ABCC4: variants seen among roughly 807,000 people sequenced by gnomAD.
ABCC4 encodes the protein ATP binding cassette subfamily C member 4 (PEL blood group).
A neutral mutation model predicts 168.5 loss-of-function variants in ABCC4; 102 were observed. The observed-to-expected ratio is 0.61, with a 90% CI of 0.52 to 0.71. The LOEUF (loss-of-function observed/expected upper bound fraction) is 0.71. Ranked by LOEUF, ABCC4 falls within the 30% of genes least tolerant of loss-of-function variation. The pLI is 0.00. For missense variants in ABCC4, 1,402 were observed against 1,605.8 expected (o/e 0.87, Z 2.17); for synonymous variants, 617 against 590.7 (o/e 1.04, Z -0.65).
chr13:95,144,448 C>G (rs61965886), intron 19 of ABCC4, among the ~76,000 whole-genome samples: 52,431 of 151,866 alleles, frequency 0.35, 9,810 homozygotes, highest in African/African-American at 0.5. Context: ...TAGGAAAAAG[C>G]AAGTCAAACT....
At chr13:95,223,418 A>ACT (rs5805911) in intron 4 of ABCC4, among the ~76,000 whole-genome samples, 116,204 of 151,958 alleles carry the variant, frequency 0.76, 44,907 homozygotes, top group Non-Finnish European at 0.84. Context: ...GTATAAATGT[A>ACT]CAATGGGTTA....
chr13:95,190,264 C>T lies in ABCC4; in HGVS notation c.1264-1722G>A, dbSNP rs568717682. 4.1e-4 allele frequency among the ~76,000 whole-genome samples: 62 copies of T among 152,180 alleles called. No individual in the cohort carries two copies. The South Asian group carries it at 0.011, about 28-fold the overall frequency. On this transcript the variant is annotated intron_variant, in intron 9 of 30. Coordinates refer to ENST00000645237, the MANE Select transcript of ABCC4 (RefSeq NM_005845.5). Reference sequence around the variant, plus strand: ...TGAGGCAGGAGGATCCCTTGAGCACCGGAGGCTGAGGTTGCAGTGAGCCAA... The same window carrying T: ...TGAGGCAGGAGGATCCCTTGAGCACTGGAGGCTGAGGTTGCAGTGAGCCAA...
intron 20 of ABCC4, among the ~76,000 whole-genome samples, chr13:95,115,034 T>A (rs2035325408): frequency 2.0e-5 from 3 of 152,118 alleles, no homozygotes; most frequent in Non-Finnish European, 1.5e-5. Context: ...GATTTTGGAA[T>A]ATGTATAGCT....
intron 1 of ABCC4, among the ~76,000 whole-genome samples, chr13:95,262,991 G>A (rs942993599): frequency 1.3e-5 from 2 of 152,094 alleles, no homozygotes; most frequent in African/African-American, 4.8e-5. Context: ...CTTCTTGTGG[G>A]CTGTTCAGTA....
At chr13:95,229,115 C>A (rs1432195436) in intron 4 of ABCC4, among the ~76,000 whole-genome samples, 1 of 152,016 alleles carries the variant, frequency 6.6e-6, no homozygotes, top group Non-Finnish European at 1.5e-5. Context: ...AAAAAGAGAA[C>A]CACACAGTAT....
chr13:95,053,331 AT>A, intron 26 of ABCC4, 147 bp from the exon 27 acceptor site: 1 of 691,374 alleles, frequency 1.4e-6, no homozygotes, highest in Non-Finnish European at 2.5e-6. Context: ...ACAAAACAAC[AT>A]ATCTATTAAT....
chr13:95,294,675 G>A (rs1346499501), intron 1 of ABCC4, among the ~76,000 whole-genome samples: 3 of 152,190 alleles, frequency 2.0e-5, no homozygotes. Context: ...AGTCCAGGCT[G>A]GGCATGGCGG....
rs539719435 is a variant in ABCC4, at chr13:95,201,192, C to T, written c.1161+5340G>A. Among the ~76,000 whole-genome samples, 19 of 152,132 alleles carry T rather than the reference C, an allele frequency of 1.2e-4. 1 individual carries two copies. Among genetic ancestry groups the T allele is most frequent in the Admixed American group, 4.6e-4 (7 of 15,268 alleles). Reference sequence around the variant, plus strand: ...CACTGGAAAATGTAAAATTCCCAGCCGGTCATTTTATTTTACTACATGCAT... The same window carrying T: ...CACTGGAAAATGTAAAATTCCCAGCTGGTCATTTTATTTTACTACATGCAT... On this transcript the variant is annotated intron_variant, in intron 8 of 30. Coordinates refer to ENST00000645237, the MANE Select transcript of ABCC4 (RefSeq NM_005845.5).
intron 26 of ABCC4, among the ~76,000 whole-genome samples, chr13:95,057,254 T>C (rs1441704791): frequency 1.3e-5 from 2 of 152,172 alleles, no homozygotes; most frequent in East Asian, 1.9e-4. Flanking sequence ...GTATTTTTTT[T>C]TTTTGAGACA....
At chr13:95,251,261 C>T (rs948342501) in intron 1 of ABCC4, among the ~76,000 whole-genome samples, 3 of 152,144 alleles carry the variant, frequency 2.0e-5, no homozygotes, top group Non-Finnish European at 4.4e-5. Context: ...TTCTCTTTCC[C>T]TCTCTCCTTT....
chr13:95,193,235 T>C (rs2038313221), intron 9 of ABCC4, among the ~76,000 whole-genome samples: 2 of 152,232 alleles, frequency 1.3e-5, no homozygotes, highest in Non-Finnish European at 2.9e-5. Flanking sequence ...CAACCGCCTA[T>C]TGGCTCTTGG....
chr13:95,113,576 A>C (rs1426322514), intron 20 of ABCC4, among the ~76,000 whole-genome samples: 1 of 151,948 alleles, frequency 6.6e-6, no homozygotes, highest in African/African-American at 2.4e-5. Flanking sequence ...TTAAAAAAAA[A>C]AAAAAAAAAT....
Position 95,028,679 on chromosome 13 carries a change from A to G in ABCC4, c.3870+5926T>C, listed in dbSNP as rs776668204. On this transcript the variant is annotated intron_variant, in intron 30 of 30. Transcript: ENST00000645237. ...ATGCATTCAAGAAGAAGCAACGAGAAAAACCAAAAAACAAAGGTAATAAAG... is the reference window on the plus strand; with the variant it reads ...ATGCATTCAAGAAGAAGCAACGAGAGAAACCAAAAAACAAAGGTAATAAAG... Among the ~76,000 whole-genome samples the G allele has an allele frequency of 1.1e-3, 165 of 152,250 alleles. 4 individuals carry two copies. Among genetic ancestry groups the G allele is most frequent in the Non-Finnish European group, 3.7e-4 (25 of 68,046 alleles).
Position 95,165,466 on chromosome 13 carries a change from G to A in ABCC4, c.2034+692C>T, listed in dbSNP as rs548798985. Among the ~76,000 whole-genome samples, 6 of 152,304 alleles carry A rather than the reference G, an allele frequency of 3.9e-5. No individual in the cohort carries two copies. In the East Asian group the frequency reaches 9.6e-4, roughly 24 times the overall value. ...GCAAGGAATATCTATGCTTTTAAGT[G>A]AGCTCTGGTACATTTCTGCCCGGAG... On this transcript the variant is annotated intron_variant, in intron 15 of 30. Transcript: ENST00000645237.
chr13:95,059,459 A>G (rs867393689), intron 26 of ABCC4, among the ~76,000 whole-genome samples: 53 of 152,338 alleles, frequency 3.5e-4, no homozygotes, highest in African/African-American at 1.2e-3. Context: ...GTTCTCACGC[A>G]GGGCTGAGAA....
chr13:95,294,991 A>C (rs2041491978), intron 1 of ABCC4, among the ~76,000 whole-genome samples: 1 of 152,074 alleles, frequency 6.6e-6, no homozygotes, highest in Admixed American at 6.6e-5. Context: ...ATAAAATAAA[A>C]ATAAGGCACT....
At chr13:95,285,549 C>CAAAT (rs1048239905) in intron 1 of ABCC4, among the ~76,000 whole-genome samples, 1 of 152,110 alleles carries the variant, frequency 6.6e-6, no homozygotes, top group African/African-American at 2.4e-5. Flanking sequence ...GACTCCATCT[C>CAAAT]AAATAAATAA....
At chr13:95,043,861 C>G in intron 28 of ABCC4, 74 bp from the exon 29 acceptor site, 1 of 967,968 alleles carries the variant, frequency 1.0e-6, no homozygotes, top group Non-Finnish European at 1.6e-6. Flanking sequence ...AGCTCTACTT[C>G]ACAATAGAGA....
intron 1 of ABCC4, among the ~76,000 whole-genome samples, chr13:95,251,990 C>A (rs2040276103): frequency 6.6e-6 from 1 of 152,134 alleles, no homozygotes; most frequent in South Asian, 2.1e-4. Flanking sequence ...TCCCTCTGTC[C>A]AGCATTTCCA....
Sources: gnomAD v4.1 joint callset for allele counts (sites outside exome capture counted in the v4.1 genomes callset) on GRCh38, gnomAD v4.1.1 for gene constraint, MANE v1.5 for transcripts, NCBI Gene and HGNC (gene_info 2026-07-23, HGNC 2026-07-21) for gene names.